Variants in SRFBP1 observed in about 807,000 individuals in gnomAD.
The protein encoded by SRFBP1 is serum response factor-binding protein 1.
A neutral mutation model predicts 45.5 loss-of-function variants in SRFBP1; 47 were observed. The ratio of observed to expected loss-of-function variants is 1.03; its 90% CI spans 0.82 to 1.32. The LOEUF (loss-of-function observed/expected upper bound fraction) is 1.32. Among genes scored for constraint, SRFBP1 ranks in the 40% most tolerant of loss-of-function variants. SRFBP1 has a pLI of 0.00. For synonymous variants in SRFBP1, 203 were observed against 166.3 expected (o/e 1.22, Z -1.70); for missense variants, 621 against 484.6 (o/e 1.28, Z -2.64).
chr5:122,008,723 A>G (rs866745257), intron 4 of SRFBP1, among the ~76,000 whole-genome samples: 3 of 152,080 alleles, frequency 2.0e-5, no homozygotes, highest in Non-Finnish European at 1.5e-5. Context: ...AGCCCTAGAG[A>G]GTCCTGTTCT....
chr5:122,077,430 A>G (rs773161676), downstream of SRFBP1: 8 of 1,614,012 alleles, frequency 5.0e-6, no homozygotes, highest in Admixed American at 1.7e-5. This position sits in a 1 kb window ranked among gnomAD's most constrained non-coding sequence, Gnocchi z 4.9. Context: ...GTATCGTAGT[A>G]GTTGTAATAA....
rs142157794 is a variant in SRFBP1, at chr5:122,060,963, G to A, written n.312-14352G>A. Among the ~76,000 whole-genome samples the A allele has an allele frequency of 2.0e-4, 31 of 152,118 alleles. 1 individual carries two copies. The East Asian group carries it at 5.4e-3, about 27-fold the overall frequency. On this transcript the variant is annotated intron_variant and non_coding_transcript_variant, in intron 2 of 2. Transcript: ENST00000504881. ...AGCTACCAGGTTGTTTTTCATTCAC[G>A]AATCTTAGCCCCAGCACCAACCCAA...
At chr5:122,017,233 A>G (rs1373332154) in intron 4 of SRFBP1, among the ~76,000 whole-genome samples, 1 of 152,068 alleles carries the variant, frequency 6.6e-6, no homozygotes, top group Non-Finnish European at 1.5e-5. Context: ...CCCAACAACA[A>G]CAACAAAAAA....
chr5:122,077,886 C>T (rs777431502), downstream of SRFBP1: 1 of 1,531,322 alleles, frequency 6.5e-7, no homozygotes, highest in East Asian at 2.5e-5. The surrounding 1 kb of genome is among the most constrained non-coding windows in gnomAD (Gnocchi z 4.9). Context: ...GCCGGCGGCT[C>T]GCGCGGGGGC....
intron 3 of SRFBP1, among the ~76,000 whole-genome samples, chr5:121,979,307 G>A (rs1752361395): frequency 1.3e-5 from 2 of 152,072 alleles, no homozygotes; most frequent in South Asian, 2.1e-4. Flanking sequence ...TTAGAATTTT[G>A]TGATATTTCT....
chr5:122,025,173 C>T (rs1460491053), intron 7 of SRFBP1, among the ~76,000 whole-genome samples: 1 of 151,914 alleles, frequency 6.6e-6, no homozygotes, highest in Non-Finnish European at 1.5e-5. Context: ...CATGTGTTCT[C>T]ATTGTTCAAT....
At chr5:122,006,513 C>A (rs769973925) in intron 4 of SRFBP1, among the ~76,000 whole-genome samples, 8 of 152,112 alleles carry the variant, frequency 5.3e-5, no homozygotes, top group Non-Finnish European at 1.2e-4. Flanking sequence ...TTCCCCTTCA[C>A]AAACTCCTGT....
chr5:122,046,500 T>G (rs1753861891), intron 2 of SRFBP1, among the ~76,000 whole-genome samples: 1 of 152,188 alleles, frequency 6.6e-6, no homozygotes, highest in African/African-American at 2.4e-5. Context: ...AGTGCCACAA[T>G]AAACATACGT....
At chr5:122,002,625 T>C (rs961555103) in intron 4 of SRFBP1, among the ~76,000 whole-genome samples, 25 of 152,218 alleles carry the variant, frequency 1.6e-4, no homozygotes, top group Non-Finnish European at 3.4e-4. Flanking sequence ...TCATTAGTAG[T>C]TCATGGCAGT....
chr5:122,054,037 C>T (rs1451814706), intron 2 of SRFBP1, among the ~76,000 whole-genome samples: 1 of 152,210 alleles, frequency 6.6e-6, no homozygotes, highest in Non-Finnish European at 1.5e-5. Flanking sequence ...GCAGCAAGCC[C>T]CATCCAGCAG....
At chr5:121,999,804 T>G (rs749707235) in intron 4 of SRFBP1, among the ~76,000 whole-genome samples, 1 of 152,092 alleles carries the variant, frequency 6.6e-6, no homozygotes, top group Non-Finnish European at 1.5e-5. Flanking sequence ...CTCCATCATT[T>G]TACTTTTAAC....
downstream of SRFBP1, among the ~76,000 whole-genome samples, chr5:122,032,557 A>G (rs186343226): frequency 1.4e-4 from 22 of 152,258 alleles, no homozygotes; most frequent in Middle Eastern, 3.4e-3. Context: ...TGCCTTTTTC[A>G]TTTAAAATAT....
chr5:121,986,190 TA>T (rs1030985814), intron 3 of SRFBP1, among the ~76,000 whole-genome samples: 8 of 151,662 alleles, frequency 5.3e-5, no homozygotes, highest in Admixed American at 5.3e-4. Flanking sequence ...CAAATGAAGA[TA>T]GAGTATCAAG....
chr5:121,981,428 T>A (rs1287042015), intron 3 of SRFBP1, among the ~76,000 whole-genome samples: 1 of 152,026 alleles, frequency 6.6e-6, no homozygotes, highest in Admixed American at 6.6e-5. Flanking sequence ...TTCTGCACTC[T>A]AACCAGTGAC....
intron 3 of SRFBP1, among the ~76,000 whole-genome samples, chr5:121,978,997 C>T (rs1430562688): frequency 6.6e-6 from 1 of 152,106 alleles, no homozygotes; most frequent in Non-Finnish European, 1.5e-5. Flanking sequence ...TAAAATCATC[C>T]TTTGAGCTTA....
chr5:122,039,935 T>G (rs1253145806), intron 2 of SRFBP1, among the ~76,000 whole-genome samples: 1 of 152,176 alleles, frequency 6.6e-6, no homozygotes, highest in Non-Finnish European at 1.5e-5. Context: ...ATGTAAATGT[T>G]CCTGGAGACT....
At chr5:121,981,878 A>C (rs1561579480) in intron 3 of SRFBP1, among the ~76,000 whole-genome samples, 1 of 151,922 alleles carries the variant, frequency 6.6e-6, no homozygotes, top group Non-Finnish European at 1.5e-5. Flanking sequence ...GGGTTATTTT[A>C]CTCAATTAAT....
chr5:121,990,464 A>G (rs981408572), intron 3 of SRFBP1, among the ~76,000 whole-genome samples: 1 of 152,166 alleles, frequency 6.6e-6, no homozygotes, highest in Non-Finnish European at 1.5e-5. Flanking sequence ...AAAAAATTCC[A>G]ATGGGGTACT....
intron 4 of SRFBP1, among the ~76,000 whole-genome samples, chr5:121,999,313 C>A (rs1425195825): frequency 6.6e-6 from 1 of 151,730 alleles, no homozygotes; most frequent in Non-Finnish European, 1.5e-5. Context: ...TATTTAATTC[C>A]TTTATGATCC....
Sources: gnomAD v4.1 joint callset for allele counts (sites outside exome capture counted in the v4.1 genomes callset) on GRCh38, gnomAD v4.1.1 for gene constraint, Gnocchi (gnomAD v3.1) non-coding constraint, MANE v1.5 for transcripts, NCBI Gene and HGNC (gene_info 2026-07-23, HGNC 2026-07-21) for gene names.